MYO1B: variants seen among roughly 807,000 people sequenced by gnomAD.
The protein encoded by MYO1B is unconventional myosin-Ib.
A neutral mutation model predicts 159.7 loss-of-function variants in MYO1B; 72 were observed. The ratio of observed to expected loss-of-function variants is 0.45; its 90% CI spans 0.37 to 0.55. MYO1B has a LOEUF of 0.55. MYO1B is among the 20% of genes least tolerant of loss of function. The pLI is 0.00. For missense variants in MYO1B, 1,062 were observed against 1,364.8 expected (o/e 0.78, Z 3.50); for synonymous variants, 468 against 473.8 (o/e 0.99, Z 0.16).
intron 2 of MYO1B, among the ~76,000 whole-genome samples, chr2:191,288,367 C>T (rs1023091781): frequency 2.0e-5 from 3 of 151,986 alleles, no homozygotes; most frequent in Admixed American, 6.6e-5. Context: ...CTTTTTAGAC[C>T]GCTCAAGCTG....
intron 7 of MYO1B, among the ~76,000 whole-genome samples, chr2:191,354,214 C>T (rs1403822758): frequency 2.0e-5 from 3 of 151,382 alleles, no homozygotes; most frequent in Non-Finnish European, 4.4e-5. Flanking sequence ...CGAGATTGCA[C>T]CACTGCATTC....
At chr2:191,414,296 C>A in intron 28 of MYO1B, 116 bp downstream of exon 28, 1 of 1,300,908 alleles carries the variant, frequency 7.7e-7, no homozygotes. Flanking sequence ...ACTATGAAGG[C>A]GGCTATTTCC....
At chr2:191,308,159 C>G (rs1485639661) in intron 3 of MYO1B, among the ~76,000 whole-genome samples, 1 of 152,140 alleles carries the variant, frequency 6.6e-6, no homozygotes, top group Non-Finnish European at 1.5e-5. Context: ...TTTGCATAAC[C>G]TCAGGTATGG....
At chr2:191,371,221 T>C (rs1269826263) in intron 13 of MYO1B, among the ~76,000 whole-genome samples, 2 of 152,144 alleles carry the variant, frequency 1.3e-5, no homozygotes, top group Non-Finnish European at 2.9e-5. Flanking sequence ...TGAATTTCTT[T>C]AAGGAACCAG....
chr2:191,393,231 C>G lies in MYO1B; in HGVS notation c.2226+9C>G, dbSNP rs757417835. 6.2e-7 allele frequency: 1 copy of G among 1,612,978 alleles called. No homozygotes were observed. The highest frequency in any genetic ancestry group is 8.5e-7 in the Non-Finnish European group (1 of 1,179,286). ...GGTACAGGAGATATGCGGTAAGAGT[C>G]TCAGTCATTTTAAATCAGTAATAAC... On this transcript the variant is annotated intron_variant, in intron 20 of 30. Transcript: ENST00000392318.
chr2:191,248,851 G>A (rs555480476), intron 1 of MYO1B, among the ~76,000 whole-genome samples: 21 of 152,110 alleles, frequency 1.4e-4, no homozygotes, highest in Non-Finnish European at 3.1e-4. Context: ...TTAGCCCCTG[G>A]CAGATGTCAA....
intron 15 of MYO1B, 40 bp downstream of exon 15, chr2:191,383,382 C>T: frequency 7.5e-7 from 1 of 1,341,642 alleles, no homozygotes; most frequent in East Asian, 2.8e-5. Flanking sequence ...ATGTTTTAGT[C>T]CTATAATTCA....
chr2:191,405,104 A>G (rs575416833), intron 24 of MYO1B, among the ~76,000 whole-genome samples: 2 of 152,340 alleles, frequency 1.3e-5, no homozygotes, highest in East Asian at 3.9e-4. Context: ...AGCTTATGGA[A>G]TATTCCAAAT....
At chr2:191,261,198 C>G (rs1045402884) in intron 1 of MYO1B, among the ~76,000 whole-genome samples, 2 of 152,150 alleles carry the variant, frequency 1.3e-5, no homozygotes, top group African/African-American at 4.8e-5. Flanking sequence ...ATTCCCAGAC[C>G]TGCGTGTGCC....
chr2:191,370,543 G>C (rs1385013621), intron 13 of MYO1B, among the ~76,000 whole-genome samples: 3 of 152,068 alleles, frequency 2.0e-5, no homozygotes, highest in African/African-American at 7.2e-5. Flanking sequence ...CGTATGCTGA[G>C]AGCCAGCATT....
At position 191,394,275 on chromosome 2, in the gene MYO1B, G is replaced by A. The variant is rs1316030343; in HGVS notation, c.2226+1053G>A. On this transcript the variant is annotated intron_variant, in intron 20 of 30. Coordinates refer to ENST00000392318, the MANE Select transcript of MYO1B (RefSeq NM_001130158.3). Reference sequence around the variant, plus strand: ...ACTGTTGTCACCCAGCCTGGTGGCCGTGGAGTCTCCTCTGTACACATAGTA... The same window carrying A: ...ACTGTTGTCACCCAGCCTGGTGGCCATGGAGTCTCCTCTGTACACATAGTA... 2.6e-5 allele frequency among the ~76,000 whole-genome samples: 4 copies of A among 152,282 alleles called. No homozygotes were observed. The East Asian group carries it at 7.7e-4, about 29-fold the overall frequency.
At chr2:191,346,203 T>A in intron 5 of MYO1B, 33 bp from the exon 6 acceptor site, 1 of 1,491,478 alleles carries the variant, frequency 6.7e-7, no homozygotes, top group Non-Finnish European at 9.1e-7. Context: ...TATTATTATT[T>A]TTTTAACCAT....
intron 3 of MYO1B, among the ~76,000 whole-genome samples, chr2:191,307,233 GT>G (rs892908260): frequency 5.3e-4 from 77 of 144,998 alleles, no homozygotes; most frequent in Middle Eastern, 3.5e-3. Context: ...GGTTCCTTCT[GT>G]TTTTTTTTTT....
intron 26 of MYO1B, among the ~76,000 whole-genome samples, chr2:191,410,731 G>A (rs114182280): frequency 0.052 from 7,972 of 152,160 alleles, 707 homozygotes; most frequent in African/African-American, 0.18. Context: ...TATTTTTACT[G>A]TGAGTCTCTC....
intron 1 of MYO1B, among the ~76,000 whole-genome samples, chr2:191,252,899 A>G (rs1169609428): frequency 6.6e-6 from 1 of 152,116 alleles, no homozygotes; most frequent in African/African-American, 2.4e-5. Flanking sequence ...TGTGACCCTT[A>G]CATTCCTCCT....
intron 1 of MYO1B, among the ~76,000 whole-genome samples, chr2:191,252,796 C>G (rs933099301): frequency 2.0e-5 from 3 of 152,176 alleles, no homozygotes; most frequent in Non-Finnish European, 4.4e-5. Context: ...AATACTTGGT[C>G]CCCTGTGGAC....
chr2:191,326,037 G>A (rs539081719), intron 3 of MYO1B, among the ~76,000 whole-genome samples: 14 of 152,234 alleles, frequency 9.2e-5, no homozygotes, highest in African/African-American at 3.4e-4. Context: ...CAGAAGAAGA[G>A]GATAAAACCA....
intron 6 of MYO1B, among the ~76,000 whole-genome samples, chr2:191,348,144 G>C (rs1393278740): frequency 6.6e-6 from 1 of 152,172 alleles, no homozygotes; most frequent in Non-Finnish European, 1.5e-5. Context: ...AGTGGGAATA[G>C]TGTCATTCCA....
At chr2:191,385,553 G>A (rs1013705323) in intron 15 of MYO1B, among the ~76,000 whole-genome samples, 1 of 152,042 alleles carries the variant, frequency 6.6e-6, no homozygotes, top group Non-Finnish European at 1.5e-5. Flanking sequence ...AATCTTTGAG[G>A]TCCAACTTGT....
Sources: allele counts gnomAD v4.1 joint callset (sites outside exome capture counted in the v4.1 genomes callset), GRCh38; gene constraint gnomAD v4.1.1; transcripts MANE v1.5; gene names NCBI Gene and HGNC (gene_info 2026-07-23, HGNC 2026-07-21).